Variants in MNAT1 observed in about 807,000 individuals in gnomAD.
The protein encoded by MNAT1 is MNAT1 component of CDK activating kinase, also known as CDK-activating kinase assembly factor MAT1.
MNAT1 carries 43 observed loss-of-function variants against 42.0 expected under a neutral mutation model. The observed-to-expected ratio is 1.02, with a 90% CI of 0.80 to 1.32. The LOEUF (loss-of-function observed/expected upper bound fraction) is 1.32, where lower values mean the gene tolerates loss of function less well. MNAT1 is among the 40% of genes most tolerant of loss of function. The pLI is 0.00. For missense variants in MNAT1, 306 were observed against 350.4 expected, an observed-to-expected ratio of 0.87 and a Z score of 1.01; for synonymous variants, 118 against 120.0, an observed-to-expected ratio of 0.98 and a Z score of 0.11.
chr14:60,822,313 T>C (rs1231329068), intron 6 of MNAT1, among the ~76,000 whole-genome samples: 1 of 152,240 alleles, frequency 6.6e-6, no homozygotes, highest in Non-Finnish European at 1.5e-5. Context: ...ATAAATCTGC[T>C]AACCTGAACA....
chr14:60,793,742 C>T (rs2031905828), intron 1 of MNAT1, among the ~76,000 whole-genome samples: 1 of 151,946 alleles, frequency 6.6e-6, no homozygotes, highest in Admixed American at 6.6e-5. Flanking sequence ...TGTGGCCACA[C>T]AAACACTAAA....
In MNAT1 at chr14:60,746,907, T is replaced by C. The variant is rs1302326147; in HGVS notation, c.89+11956T>C. Among the ~76,000 whole-genome samples, 47 of 32,030 alleles carry C rather than the reference T, an allele frequency of 1.5e-3. 2 individuals are homozygous for C. Among genetic ancestry groups the C allele is most frequent in the African/African-American group, 6.5e-3 (46 of 7,112 alleles). The allele number at this position is 32,030 out of a possible 152,430, so 21.0% of individuals were successfully genotyped here. A position where few individuals can be genotyped will look rare whatever the true frequency, so the allele number is the denominator to read the frequency against. On this transcript the variant is annotated intron_variant, in intron 1 of 7. Coordinates refer to ENST00000261245, the MANE Select transcript of MNAT1 (RefSeq NM_002431.4). The stretch of plus-strand genomic sequence containing the variant: ...TTTAAAGATTCATTTCATATATATA[T>C]ATATATATATATATATACACACACA...
chr14:60,737,357 T>G (rs1896334573), intron 1 of MNAT1, among the ~76,000 whole-genome samples: 1 of 152,038 alleles, frequency 6.6e-6, no homozygotes, highest in Non-Finnish European at 1.5e-5. Flanking sequence ...TTTTCTTCCT[T>G]TAGCATAAAC....
rs554585447 is a variant in MNAT1, at chr14:60,795,547, G to A, written c.90-670G>A. On this transcript the variant is annotated intron_variant, in intron 1 of 7. Coordinates refer to ENST00000261245, the MANE Select transcript of MNAT1 (RefSeq NM_002431.4). ...GGAAACCTGGCTTGCCTGGGAATTCGGTTTGCTTTATTTGGGGCAACGAAC... is the reference window on the plus strand; with the variant it reads ...GGAAACCTGGCTTGCCTGGGAATTCAGTTTGCTTTATTTGGGGCAACGAAC... Among the ~76,000 whole-genome samples the A allele has an allele frequency of 3.3e-5, 5 of 152,226 alleles. No individual in the cohort carries two copies. In the South Asian group the frequency reaches 8.3e-4, roughly 25 times the overall value.
intron 1 of MNAT1, among the ~76,000 whole-genome samples, chr14:60,786,590 A>T (rs1040253232): frequency 5.9e-5 from 9 of 152,198 alleles, no homozygotes; most frequent in Non-Finnish European, 8.8e-5. Flanking sequence ...ATTCATCAAA[A>T]ATTATAAACC....
intron 6 of MNAT1, among the ~76,000 whole-genome samples, chr14:60,841,483 T>G (rs564582388): frequency 6.6e-6 from 1 of 151,030 alleles, no homozygotes; most frequent in East Asian, 1.9e-4. Context: ...ATGTTCTGTT[T>G]GGGTCTTTTT....
intron 5 of MNAT1, among the ~76,000 whole-genome samples, chr14:60,815,186 G>A (rs781473037): frequency 2.6e-5 from 4 of 151,682 alleles, no homozygotes; most frequent in Non-Finnish European, 5.9e-5. Context: ...AGGTTAGCCA[G>A]CTTTGCATAA....
intron 1 of MNAT1, among the ~76,000 whole-genome samples, chr14:60,741,689 G>C (rs1003411187): frequency 4.5e-4 from 7 of 15,424 alleles, no homozygotes; most frequent in Non-Finnish European, 1.3e-3. Context: ...TTAATTTTTA[G>C]TAGAGATGGG....
At chr14:60,819,964 C>T (rs2032832264) in intron 6 of MNAT1, among the ~76,000 whole-genome samples, 1 of 152,210 alleles carries the variant, frequency 6.6e-6, no homozygotes, top group South Asian at 2.1e-4. Context: ...GAGTTGATAA[C>T]ACAAATGGCT....
chr14:60,746,183 C>T (rs1896609258), intron 1 of MNAT1, among the ~76,000 whole-genome samples: 1 of 152,020 alleles, frequency 6.6e-6, no homozygotes, highest in Admixed American at 6.6e-5. Context: ...ACATCCAGCC[C>T]CCTGAAGCTC....
chr14:60,826,610 C>T (rs1449880604), intron 6 of MNAT1, among the ~76,000 whole-genome samples: 1 of 152,068 alleles, frequency 6.6e-6, no homozygotes, highest in Admixed American at 6.6e-5. Context: ...TGAGCCACCG[C>T]ACCCGGACAG....
intron 6 of MNAT1, among the ~76,000 whole-genome samples, chr14:60,866,888 A>G (rs2034213986): frequency 6.6e-6 from 1 of 152,078 alleles, no homozygotes; most frequent in African/African-American, 2.4e-5. Context: ...GTTCTTAAGG[A>G]AAAATTTATA....
intron 1 of MNAT1, among the ~76,000 whole-genome samples, chr14:60,767,912 C>T (rs894512864): frequency 1.3e-5 from 2 of 152,140 alleles, no homozygotes; most frequent in Admixed American, 6.6e-5. Flanking sequence ...TATAGGCACA[C>T]GCCACCACAC....
At chr14:60,790,971 A>C (rs1009176298) in intron 1 of MNAT1, among the ~76,000 whole-genome samples, 1 of 152,188 alleles carries the variant, frequency 6.6e-6, no homozygotes, top group Non-Finnish European at 1.5e-5. Context: ...GCAAAGGGGC[A>C]AAAAGGAAAA....
chr14:60,756,802 CA>C (rs2030375206), intron 1 of MNAT1, among the ~76,000 whole-genome samples: 1 of 152,026 alleles, frequency 6.6e-6, no homozygotes. Flanking sequence ...ATTTTGATGC[CA>C]TATAGTTTCT....
intron 6 of MNAT1, among the ~76,000 whole-genome samples, chr14:60,856,414 C>G (rs2033959869): frequency 6.6e-6 from 1 of 152,128 alleles, no homozygotes; most frequent in African/African-American, 2.4e-5. Context: ...GAGAAAGCTG[C>G]AGGAGAAAAG....
intron 6 of MNAT1, among the ~76,000 whole-genome samples, chr14:60,839,846 G>A (rs763773208): frequency 1.1e-3 from 173 of 152,304 alleles, no homozygotes; most frequent in Middle Eastern, 3.4e-3. Context: ...CTGGCTGTGC[G>A]CTCTTGCCAG....
intron 1 of MNAT1, among the ~76,000 whole-genome samples, chr14:60,761,272 C>T (rs1358983362): frequency 2.0e-5 from 3 of 152,100 alleles, no homozygotes; most frequent in Admixed American, 6.5e-5. Flanking sequence ...TAGTCAAGTT[C>T]AGATAGTCAT....
At chr14:60,925,647 G>C (rs192691143) in intron 7 of MNAT1, among the ~76,000 whole-genome samples, 2 of 151,800 alleles carry the variant, frequency 1.3e-5, no homozygotes, top group African/African-American at 4.8e-5. Context: ...TTTTTCTTAC[G>C]TTTCTTATAA....
Sources: allele counts gnomAD v4.1 joint callset (sites outside exome capture counted in the v4.1 genomes callset), GRCh38; gene constraint gnomAD v4.1.1; transcripts MANE v1.5; gene names NCBI Gene and HGNC (gene_info 2026-07-23, HGNC 2026-07-21).